ATP2C1: variants seen among roughly 807,000 people sequenced by gnomAD.
The protein encoded by ATP2C1 is ATPase secretory pathway Ca2+ transporting 1, also known as calcium-transporting ATPase type 2C member 1.
ATP2C1 carries 31 observed loss-of-function variants against 120.5 expected under a neutral mutation model. The ratio of observed to expected loss-of-function variants is 0.26; its 90% CI spans 0.19 to 0.35. ATP2C1 has a LOEUF of 0.35. Among genes scored for constraint, ATP2C1 ranks in the 10% least tolerant of loss-of-function variants. ATP2C1 has a pLI of 1.00. For synonymous variants in ATP2C1, 351 were observed against 358.7 expected (o/e 0.98, Z 0.24); for missense variants, 731 against 1,107.5 (o/e 0.66, Z 4.83).
chr3:130,941,012 T>G (rs371679934), intron 7 of ATP2C1, among the ~76,000 whole-genome samples: 17 of 113,270 alleles, frequency 1.5e-4, no homozygotes, highest in East Asian at 1.1e-3. Context: ...TCTGCCGGGT[T>G]CACGCCATTT....
At chr3:130,858,888 T>C (rs751904955) in intron 1 of ATP2C1, among the ~76,000 whole-genome samples, 34 of 151,792 alleles carry the variant, frequency 2.2e-4, no homozygotes, top group Admixed American at 7.2e-4. Context: ...ATTTGGGAGG[T>C]TCCGGAGGAA....
chr3:130,963,704 G>A, intron 12 of ATP2C1: 1 of 436,482 alleles, frequency 2.3e-6, no homozygotes, highest in Non-Finnish European at 4.3e-6. Context: ...AGTAGCCCAG[G>A]ATCACACAAG....
chr3:130,893,978 G>A, upstream of ATP2C1: 3 of 985,652 alleles, frequency 3.0e-6, no homozygotes, highest in Non-Finnish European at 3.6e-6. Flanking sequence ...TCTCTCAGCG[G>A]AAGTAATAGT....
chr3:130,945,732 A>G (rs2060123468), intron 8 of ATP2C1, among the ~76,000 whole-genome samples: 1 of 152,056 alleles, frequency 6.6e-6, no homozygotes, highest in South Asian at 2.1e-4. Flanking sequence ...TCCCTGCTGT[A>G]TATGTGCCAC....
At chr3:131,011,985 A>C (rs950485138) in intron 26 of ATP2C1, among the ~76,000 whole-genome samples, 2 of 152,178 alleles carry the variant, frequency 1.3e-5, no homozygotes, top group African/African-American at 2.4e-5. Context: ...TTAGACTGTC[A>C]CTGCTTTACT....
exon 1 of ATP2C1, chr3:130,850,874 C>T: frequency 6.9e-7 from 1 of 1,443,118 alleles, no homozygotes. Flanking sequence ...AATATCCTCT[C>T]CATGCAATTA....
At chr3:130,918,571 GCC>G in intron 2 of ATP2C1, 1 of 733,698 alleles carries the variant, frequency 1.4e-6, no homozygotes. Context: ...GTATGCCAGC[GCC>G]CTGGCCATAA....
intron 22 of ATP2C1, 64 bp from the exon 23 acceptor site, chr3:130,995,979 T>A (rs1185691541): frequency 3.7e-6 from 4 of 1,067,570 alleles, no homozygotes; most frequent in Non-Finnish European, 5.8e-6. Context: ...CTACAGTGTT[T>A]TAGTATAGAT....
At chr3:130,978,955 T>C (rs2108769162) in intron 18 of ATP2C1, among the ~76,000 whole-genome samples, 1 of 152,350 alleles carries the variant, frequency 6.6e-6, no homozygotes, top group African/African-American at 2.4e-5. Context: ...CTGTTGAAAG[T>C]AGCTGCATGT....
intron 2 of ATP2C1, among the ~76,000 whole-genome samples, chr3:130,926,941 A>G (rs2059236095): frequency 6.6e-6 from 1 of 152,350 alleles, no homozygotes; most frequent in African/African-American, 2.4e-5. Flanking sequence ...GAAAACAGCT[A>G]TATAAACACG....
upstream of ATP2C1, among the ~76,000 whole-genome samples, chr3:130,893,109 A>G (rs2069246853): frequency 6.6e-6 from 1 of 152,192 alleles, no homozygotes; most frequent in Non-Finnish European, 1.5e-5. Flanking sequence ...ACTTCTGTTC[A>G]ACATTATATG....
At chr3:130,936,163 A>G (rs1408950944) in intron 5 of ATP2C1, among the ~76,000 whole-genome samples, 1 of 152,104 alleles carries the variant, frequency 6.6e-6, no homozygotes, top group East Asian at 1.9e-4. Context: ...AGTATTTAAG[A>G]CTTTATTCCA....
At chr3:130,890,674 T>C (rs2069138818), upstream of ATP2C1, among the ~76,000 whole-genome samples, 1 of 152,192 alleles carries the variant, frequency 6.6e-6, no homozygotes, top group Non-Finnish European at 1.5e-5. Flanking sequence ...TCAATTTTTA[T>C]TCTTGCTTCC....
chr3:130,869,762 T>C (rs1025807354), intron 1 of ATP2C1, among the ~76,000 whole-genome samples: 6 of 152,222 alleles, frequency 3.9e-5, no homozygotes, highest in Non-Finnish European at 8.8e-5. Context: ...GAGGGTTAGC[T>C]GCAGAAGAAA....
chr3:130,915,135 C>G (rs146287239), intron 2 of ATP2C1, among the ~76,000 whole-genome samples: 1,996 of 151,840 alleles, frequency 0.013, 42 homozygotes, highest in African/African-American at 0.045. Flanking sequence ...ACTCTGTTGC[C>G]CAGGCTGGAG....
At chr3:130,876,285 T>C (rs1369619025) in intron 1 of ATP2C1, among the ~76,000 whole-genome samples, 2 of 152,146 alleles carry the variant, frequency 1.3e-5, no homozygotes, top group Non-Finnish European at 2.9e-5. Context: ...TTAATCCATA[T>C]TGGGTTCATT....
intron 17 of ATP2C1, among the ~76,000 whole-genome samples, chr3:130,973,506 C>T (rs1406937683): frequency 6.6e-6 from 1 of 151,838 alleles, no homozygotes; most frequent in Non-Finnish European, 1.5e-5. Context: ...GTGTTTTTTT[C>T]GATCCGGTAA....
At chr3:130,938,498 C>CTAACCTAGTTGTTATTAGTTCTGTAG (rs1213248430) in intron 6 of ATP2C1, among the ~76,000 whole-genome samples, 1 of 152,224 alleles carries the variant, frequency 6.6e-6, no homozygotes, top group Non-Finnish European at 1.5e-5. Flanking sequence ...AAGGTAATCT[C>CTAACCTAGTTGTTATTAGTTCTGTAG]TAACCTAGTT....
chr3:130,860,827 G>T (rs145156253), intron 1 of ATP2C1, among the ~76,000 whole-genome samples: 1,949 of 152,208 alleles, frequency 0.013, 24 homozygotes, highest in Admixed American at 0.021. Context: ...TAAAGGAGTT[G>T]AAAATAAAAC....
Sources: allele counts gnomAD v4.1 joint callset (sites outside exome capture counted in the v4.1 genomes callset), GRCh38; gene constraint gnomAD v4.1.1; transcripts MANE v1.5; gene names NCBI Gene and HGNC (gene_info 2026-07-23, HGNC 2026-07-21).